CSGALNACT1: variants seen among roughly 807,000 people sequenced by gnomAD.
CSGALNACT1 encodes the protein beta4GalNAcT-1.
A neutral mutation model predicts 51.0 loss-of-function variants in CSGALNACT1; 52 were observed. That is an observed-to-expected ratio of 1.02 (90% CI 0.82 to 1.29). CSGALNACT1 has a LOEUF of 1.29. CSGALNACT1 is among the 50% of genes most tolerant of loss of function. The pLI, the probability that CSGALNACT1 is intolerant of heterozygous loss-of-function variation, is 0.00. For synonymous variants in CSGALNACT1, 341 were observed against 254.4 expected, an observed-to-expected ratio of 1.34 and a Z score of -3.24; for missense variants, 935 against 679.2, an observed-to-expected ratio of 1.38 and a Z score of -4.19.
intron 1 of CSGALNACT1, among the ~76,000 whole-genome samples, chr8:19,691,839 T>C (rs1251371380): frequency 6.6e-6 from 1 of 152,142 alleles, no homozygotes; most frequent in African/African-American, 2.4e-5. Context: ...ATCTGGAAAT[T>C]TGTGAGAAAT....
chr8:19,670,438 A>G (rs771239310), intron 1 of CSGALNACT1, among the ~76,000 whole-genome samples: 2 of 152,168 alleles, frequency 1.3e-5, no homozygotes, highest in African/African-American at 4.8e-5. Context: ...TTAGCTTTTT[A>G]AATGTTAATA....
intron 3 of CSGALNACT1, among the ~76,000 whole-genome samples, chr8:19,588,403 T>C (rs937932931): frequency 1.3e-5 from 2 of 152,204 alleles, no homozygotes; most frequent in African/African-American, 2.4e-5. Context: ...TAGAGTATTA[T>C]TTGATTCCAA....
intron 1 of CSGALNACT1, among the ~76,000 whole-genome samples, chr8:19,706,963 C>T (rs760229729): frequency 2.0e-5 from 3 of 151,976 alleles, no homozygotes; most frequent in Non-Finnish European, 2.9e-5. Flanking sequence ...CCAGGACAGT[C>T]CTAGAGCTAA....
chr8:19,485,010 C>T (rs1283004336), intron 4 of CSGALNACT1, among the ~76,000 whole-genome samples: 1 of 152,156 alleles, frequency 6.6e-6, no homozygotes, highest in East Asian at 1.9e-4. Context: ...TCACCTTGAA[C>T]TTCCAGCCTG....
intron 1 of CSGALNACT1, among the ~76,000 whole-genome samples, chr8:19,674,344 T>C (rs1047522082): frequency 4.0e-5 from 6 of 151,434 alleles, no homozygotes; most frequent in Admixed American, 3.3e-4. Context: ...TAATGCACAA[T>C]AAGAGGGGAT....
At chr8:19,587,441 A>T (rs1332870893) in intron 3 of CSGALNACT1, among the ~76,000 whole-genome samples, 1 of 151,986 alleles carries the variant, frequency 6.6e-6, no homozygotes, top group African/African-American at 2.4e-5. Context: ...GCTGTGTCCC[A>T]CCCTCCCCCA....
intron 2 of CSGALNACT1, among the ~76,000 whole-genome samples, chr8:19,597,554 C>T (rs1469785949): frequency 6.6e-6 from 1 of 152,078 alleles, no homozygotes; most frequent in African/African-American, 2.4e-5. Flanking sequence ...GATCCTCCCA[C>T]CTCACCTCCC....
chr8:19,757,870 G>GT lies in CSGALNACT1; in HGVS notation c.-318dup, dbSNP rs2065489770. 1 of 152,392 alleles carries GT rather than the reference G, an allele frequency of 6.6e-6. No individual in the cohort carries two copies. Among genetic ancestry groups the GT allele is most frequent in the Non-Finnish European group, 1.5e-5 (1 of 68,218 alleles). The allele number at this position is 152,392 out of a possible 1,614,324, so 9.4% of individuals were successfully genotyped here. ...CTTACAGCGAAGGTCAGGAACCCCT[G>GT]TAACTCTCACACCGCACCACTGTGG... On this transcript the variant is annotated 5_prime_UTR_variant, in exon 1 of 2. Transcript: ENST00000517494. This position sits in a 1 kb window ranked among gnomAD's most constrained non-coding sequence, Gnocchi z 4.0.
intron 1 of CSGALNACT1, among the ~76,000 whole-genome samples, chr8:19,723,329 G>A (rs764300001): frequency 1.6e-4 from 24 of 152,214 alleles, no homozygotes; most frequent in African/African-American, 3.4e-4. Flanking sequence ...CAAGTGGGCC[G>A]TAATAGAAAC....
At chr8:19,541,391 C>T (rs557302346) in intron 3 of CSGALNACT1, among the ~76,000 whole-genome samples, 1 of 151,608 alleles carries the variant, frequency 6.6e-6, no homozygotes, top group East Asian at 1.9e-4. Flanking sequence ...GGTGGGACTA[C>T]AGGCACTTGC....
chr8:19,446,836 C>A (rs1378059908), intron 5 of CSGALNACT1, among the ~76,000 whole-genome samples: 1 of 152,202 alleles, frequency 6.6e-6, no homozygotes, highest in South Asian at 2.1e-4. Context: ...TTGTATTCCA[C>A]AAAGACTCTT....
chr8:19,655,189 C>T (rs1338615198), intron 1 of CSGALNACT1, among the ~76,000 whole-genome samples: 4 of 152,116 alleles, frequency 2.6e-5, no homozygotes, highest in African/African-American at 7.2e-5. Flanking sequence ...TCTCTGACTC[C>T]GTGATGATAG....
chr8:19,632,186 G>C (rs2055362420), intron 1 of CSGALNACT1, among the ~76,000 whole-genome samples: 1 of 152,198 alleles, frequency 6.6e-6, no homozygotes. Flanking sequence ...TTGCAAATGT[G>C]AACTTTCCAC....
chr8:19,440,971 G>A lies in CSGALNACT1; in HGVS notation c.852-1040C>T, dbSNP rs185504244. On this transcript the variant is annotated intron_variant, in intron 5 of 9. Coordinates refer to ENST00000454498, the Ensembl canonical transcript of CSGALNACT1. ...CATGAGTGAACTCCCAGTCACAATT[G>A]CTTCAAAGAGAATAAAATACCTAGG... Among the ~76,000 whole-genome samples the A allele has an allele frequency of 2.7e-3, 407 of 152,218 alleles. 1 individual carries two copies. Among genetic ancestry groups the A allele is most frequent in the African/African-American group, 9.3e-3 (385 of 41,520 alleles).
intron 1 of CSGALNACT1, among the ~76,000 whole-genome samples, chr8:19,610,505 G>A (rs1473847352): frequency 6.6e-6 from 1 of 151,996 alleles, no homozygotes; most frequent in Non-Finnish European, 1.5e-5. Flanking sequence ...GCAGAGACAG[G>A]GGCAGGTGGA....
Position 19,611,853 on chromosome 8 carries a change from A to C in CSGALNACT1, c.-543-9988T>G, listed in dbSNP as rs144392347. Among the ~76,000 whole-genome samples, 10 of 152,270 alleles carry C rather than the reference A, an allele frequency of 6.6e-5. No individual in the cohort carries two copies. In the East Asian group the frequency reaches 1.9e-3, roughly 30 times the overall value. On this transcript the variant is annotated intron_variant, in intron 1 of 9. Coordinates refer to the CSGALNACT1 transcript ENST00000332246. ...AGGAAAAAAAATATGACCGGAAATCAGCAGAATCGGTTTTGGTCAAGTCCT... is the reference window on the plus strand; with the variant it reads ...AGGAAAAAAAATATGACCGGAAATCCGCAGAATCGGTTTTGGTCAAGTCCT...
At chr8:19,628,675 T>G (rs2054786621) in intron 1 of CSGALNACT1, among the ~76,000 whole-genome samples, 1 of 151,392 alleles carries the variant, frequency 6.6e-6, no homozygotes, top group Non-Finnish European at 1.5e-5. Flanking sequence ...GTTTTTTGGG[T>G]CTCGCCATGC....
At chr8:19,539,460 C>A (rs1057305833) in intron 3 of CSGALNACT1, among the ~76,000 whole-genome samples, 10 of 152,320 alleles carry the variant, frequency 6.6e-5, no homozygotes, top group South Asian at 4.1e-4. Context: ...GTCCTCAGCA[C>A]AGGGCCTGGC....
chr8:19,524,805 A>T (rs1465422476), intron 3 of CSGALNACT1, among the ~76,000 whole-genome samples: 1 of 152,190 alleles, frequency 6.6e-6, no homozygotes, highest in African/African-American at 2.4e-5. Context: ...CCGCTCAATG[A>T]CAGAACAGAC....
Sources: allele counts gnomAD v4.1 joint callset (sites outside exome capture counted in the v4.1 genomes callset), GRCh38; gene constraint gnomAD v4.1.1; non-coding constraint Gnocchi (gnomAD v3.1); transcripts MANE v1.5; gene names NCBI Gene and HGNC (gene_info 2026-07-23, HGNC 2026-07-21).